Variants in ATP8A1 observed in about 807,000 individuals in gnomAD.
The protein encoded by ATP8A1 is ATPase phospholipid transporting 8A1.
ATP8A1 carries 90 observed loss-of-function variants against 177.7 expected under a neutral mutation model. That is an observed-to-expected ratio of 0.51 (90% CI 0.43 to 0.60). ATP8A1 has a LOEUF of 0.60. Ranked by LOEUF, ATP8A1 falls within the 20% of genes least tolerant of loss-of-function variation. ATP8A1 has a pLI of 0.00. For missense variants in ATP8A1, 1,072 were observed against 1,392.8 expected (o/e 0.77, Z 3.67); for synonymous variants, 493 against 485.9 (o/e 1.01, Z -0.19).
chr4:42,559,540 C>T (rs181750205), intron 15 of ATP8A1, among the ~76,000 whole-genome samples: 35 of 152,222 alleles, frequency 2.3e-4, no homozygotes, highest in Non-Finnish European at 4.6e-4. Flanking sequence ...ATAAACTATA[C>T]AAATTCTAAA....
chr4:42,552,882 G>A (rs1729648410), intron 16 of ATP8A1, among the ~76,000 whole-genome samples: 2 of 152,198 alleles, frequency 1.3e-5, no homozygotes, highest in African/African-American at 2.4e-5. Context: ...GGGAAGCTGA[G>A]TCAGGAGAAT....
At chr4:42,635,772 CACACACACACAT>C (rs1560545546) in intron 1 of ATP8A1, among the ~76,000 whole-genome samples, 2 of 50,500 alleles carry the variant, frequency 4.0e-5, no homozygotes, top group African/African-American at 1.6e-4. Context: ...CACACACACA[CACACACACACAT>C]ATATATATAT....
At chr4:42,646,803 G>A (rs943626846) in intron 1 of ATP8A1, among the ~76,000 whole-genome samples, 1 of 152,080 alleles carries the variant, frequency 6.6e-6, no homozygotes, top group African/African-American at 2.4e-5. Context: ...ATAAAATAAT[G>A]AACAGAGGCT....
intron 20 of ATP8A1, among the ~76,000 whole-genome samples, chr4:42,541,366 C>T (rs1728369560): frequency 6.6e-6 from 1 of 152,176 alleles, no homozygotes; most frequent in South Asian, 2.1e-4. Flanking sequence ...AAAACACTGA[C>T]AACTTCAAAC....
chr4:42,575,686 T>C lies in ATP8A1; in HGVS notation c.1142A>G (p.His381Arg), dbSNP rs1470947104. Reference protein sequence around the residue: ...AYFINWDLDMHYEPTDTAAMA... With the variant: ...AYFINWDLDMRYEPTDTAAMA... ...AGCAGCAGTGTCTGTGGGTTCATAG[T>C]GCATGTCAAGATCCTTTAATAAAAT... Residue 381 changes from histidine to arginine, a missense_variant, in exon 13 of 37, where the codon CAC (histidine) becomes CGC (arginine). Physicochemically the swap from His to Arg is conservative, Grantham distance 29 (BLOSUM62 0). Around this residue, in one of 5 missense-constraint regions of ATP8A1, gnomAD observed 388 missense variants for 471.7 expected, o/e 0.82. Transcript: ENST00000381668. The C allele has an allele frequency of 4.3e-6, 7 of 1,613,324 alleles. No individual in the cohort carries two copies. The highest frequency in any genetic ancestry group is 1.3e-5 in the African/African-American group (1 of 75,030).
At chr4:42,565,585 C>T (rs1048232074) in intron 15 of ATP8A1, among the ~76,000 whole-genome samples, 1 of 152,202 alleles carries the variant, frequency 6.6e-6, no homozygotes, top group African/African-American at 2.4e-5. Flanking sequence ...CCCTCACTAG[C>T]ATTTACTTGA....
At chr4:42,559,365 A>C (rs1730580834) in intron 15 of ATP8A1, among the ~76,000 whole-genome samples, 2 of 152,228 alleles carry the variant, frequency 1.3e-5, no homozygotes, top group African/African-American at 4.8e-5. Context: ...ATAAACACAC[A>C]ATTCACAAGG....
At chr4:42,514,671 A>G (rs1725350615) in intron 22 of ATP8A1, among the ~76,000 whole-genome samples, 1 of 152,154 alleles carries the variant, frequency 6.6e-6, no homozygotes, top group African/African-American at 2.4e-5. Context: ...TATTTTATAC[A>G]CATTCTTGCT....
chr4:42,585,972 G>C (rs1388762449), intron 9 of ATP8A1, among the ~76,000 whole-genome samples: 1 of 152,160 alleles, frequency 6.6e-6, no homozygotes, highest in Non-Finnish European at 1.5e-5. Context: ...AAGATCACAG[G>C]AAAGGACCCA....
In ATP8A1 at chr4:42,586,356, C is replaced by T; in HGVS notation, c.715G>A (p.Gly239Arg). The T allele has an allele frequency of 6.2e-7, 1 of 1,613,958 alleles. No individual in the cohort carries two copies. The highest frequency in any genetic ancestry group is 8.5e-7 in the Non-Finnish European group (1 of 1,179,926). The change falls in exon 9 of 37, where the codon GGA (glycine) becomes AGA (arginine). Residue 239 changes from glycine (G) to arginine (R), a missense_variant. Physicochemically the swap from Gly to Arg is moderately radical, Grantham distance 125. Around this residue, in one of 5 missense-constraint regions of ATP8A1, gnomAD observed 344 missense variants for 393.5 expected, o/e 0.87. Transcript: ENST00000381668. ...AAGACGGATTTTACATACCCATGTC[C>T]ATCAAGCCTTATGTTTCCAACAAAA... ...YDFVGNIRLDGHGTVPLGADQ... is the reference protein window; with the variant it reads ...YDFVGNIRLDRHGTVPLGADQ...
chr4:42,514,652 A>T, intron 22 of ATP8A1, among the ~76,000 whole-genome samples: 1 of 152,186 alleles, frequency 6.6e-6, no homozygotes, highest in South Asian at 2.1e-4. Flanking sequence ...TTATTTTTCA[A>T]GTCTCCAATA....
chr4:42,577,071 T>C lies in ATP8A1; in HGVS notation c.1128+1189A>G, dbSNP rs758278700. Among the ~76,000 whole-genome samples, 6 of 152,220 alleles carry C rather than the reference T, an allele frequency of 3.9e-5. No individual in the cohort carries two copies. The East Asian group carries it at 1.2e-3, about 29-fold the overall frequency. ...AAGTCAGTGTTCTATCTGTCAGATGTTATAAAATCTCTGTATATTAGAAAG... is the reference window on the plus strand; with the variant it reads ...AAGTCAGTGTTCTATCTGTCAGATGCTATAAAATCTCTGTATATTAGAAAG... On this transcript the variant is annotated intron_variant, in intron 12 of 36. Coordinates refer to ENST00000381668, the MANE Select transcript of ATP8A1 (RefSeq NM_006095.2).
intron 25 of ATP8A1, chr4:42,471,811 T>C (rs1313621289): frequency 7.7e-6 from 4 of 517,928 alleles, no homozygotes; most frequent in East Asian, 9.0e-5. Context: ...GAGAAGGCCA[T>C]GTTCATTTCA....
At chr4:42,489,925 C>G (rs1722574301) in intron 24 of ATP8A1, among the ~76,000 whole-genome samples, 1 of 152,140 alleles carries the variant, frequency 6.6e-6, no homozygotes, top group Non-Finnish European at 1.5e-5. Context: ...TCAAAGACCA[C>G]AGGCTCAATG....
chr4:42,450,070 T>C (rs1442899865), intron 30 of ATP8A1, among the ~76,000 whole-genome samples: 1 of 152,222 alleles, frequency 6.6e-6, no homozygotes, highest in Non-Finnish European at 1.5e-5. Flanking sequence ...AATTGTACCC[T>C]GGACCTCCAT....
intron 22 of ATP8A1, among the ~76,000 whole-genome samples, chr4:42,510,325 G>A (rs1479278985): frequency 6.6e-6 from 1 of 152,168 alleles, no homozygotes; most frequent in African/African-American, 2.4e-5. Flanking sequence ...TCATCAAGAA[G>A]TTCAAGCAAG....
chr4:42,485,894 T>C (rs1722148083), intron 24 of ATP8A1, among the ~76,000 whole-genome samples: 1 of 152,234 alleles, frequency 6.6e-6, no homozygotes, highest in Non-Finnish European at 1.5e-5. Flanking sequence ...CATCTGTTCC[T>C]AGCAGGGTTG....
At chr4:42,446,872 C>T (rs1188721369) in intron 30 of ATP8A1, among the ~76,000 whole-genome samples, 2 of 150,690 alleles carry the variant, frequency 1.3e-5, no homozygotes, top group Non-Finnish European at 2.9e-5. Flanking sequence ...GACTTGTTAA[C>T]GAATTTTCAG....
intron 17 of ATP8A1, among the ~76,000 whole-genome samples, 175 bp from the exon 18 acceptor site, chr4:42,551,455 A>G (rs898001133): frequency 4.6e-5 from 7 of 152,196 alleles, no homozygotes; most frequent in African/African-American, 1.7e-4. Context: ...AGAAATGAGG[A>G]TAATAATCTT....
Sources: allele counts gnomAD v4.1 joint callset (sites outside exome capture counted in the v4.1 genomes callset), GRCh38; gene constraint gnomAD v4.1.1; regional missense constraint gnomAD v4.1.1; transcripts MANE v1.5; gene names NCBI Gene and HGNC (gene_info 2026-07-23, HGNC 2026-07-21).